The following RTTN variants were observed in gnomAD, a reference collection of about 807,000 sequenced individuals.
RTTN encodes the protein rotatin.
In RTTN, 182 loss-of-function variants were observed where a neutral mutation model predicts 269.2. That is an observed-to-expected ratio of 0.68 (90% CI 0.60 to 0.76). The LOEUF is 0.76. RTTN is among the 30% of genes least tolerant of loss of function. The pLI is 0.00. For missense variants in RTTN, 2,545 were observed against 2,608.6 expected, an observed-to-expected ratio of 0.98 and a Z score of 0.53; for synonymous variants, 1,006 against 963.5, an observed-to-expected ratio of 1.04 and a Z score of -0.82.
rs1474127075 is a variant in RTTN at position 70,145,637 on chromosome 18, T to C, written c.2456A>G (p.Asp819Gly). ...IGKKPIELRL[D>G]DRRELVIKLE... ...CTTAATAACCAGCTCTCTTCTGTCA[T>C]CCAGTCTGAGTTCAATAGGTTTCTT... is the stretch of plus-strand genomic sequence containing the variant. Residue 819 changes from aspartate (D) to glycine (G), a missense_variant, in exon 18 of 49, where the codon GAT (aspartate) becomes GGT (glycine). Transcript: ENST00000640769. The C allele has an allele frequency of 6.2e-7, 1 of 1,608,666 alleles. No individual in the cohort carries two copies. Among genetic ancestry groups the C allele is most frequent in the Non-Finnish European group, 8.5e-7 (1 of 1,178,258 alleles).
chr18:70,205,568 T>C lies in RTTN; in HGVS notation c.31+60A>G. ...CGGCCGCGGAAACGTGACACGACCATTCTCAGCAAGTGGCCAGAGCGCGGG... is the reference window on the plus strand; with the variant it reads ...CGGCCGCGGAAACGTGACACGACCACTCTCAGCAAGTGGCCAGAGCGCGGG... On this transcript the variant is annotated intron_variant, in intron 1 of 48. Transcript: ENST00000640769. 1.9e-6 allele frequency: 3 copies of C among 1,606,638 alleles called. No individual in the cohort carries two copies. The South Asian group carries it at 3.3e-5, about 18-fold the overall frequency.
intron 23 of RTTN, among the ~76,000 whole-genome samples, chr18:70,132,377 A>T (rs2060019953): frequency 6.6e-6 from 1 of 152,088 alleles, no homozygotes; most frequent in Admixed American, 6.6e-5. Flanking sequence ...GGAACATTTT[A>T]AAAAGCTGAC....
intron 40 of RTTN, among the ~76,000 whole-genome samples, chr18:70,031,799 G>A (rs979756824): frequency 6.6e-6 from 1 of 151,724 alleles, no homozygotes; most frequent in South Asian, 2.1e-4. Context: ...GGAGGGCATC[G>A]AGAGCAGATG....
intron 23 of RTTN, 26 bp from the exon 24 acceptor site, chr18:70,128,572 A>G: frequency 6.3e-7 from 1 of 1,593,334 alleles, no homozygotes; most frequent in Non-Finnish European, 8.6e-7. Context: ...ACAAATAATT[A>G]CAAACTTTCA....
Position 70,205,464 on chromosome 18 carries a change from T to A in RTTN, c.32-149A>T, listed in dbSNP as rs144636005. The A allele has an allele frequency of 8.4e-3, 11,492 of 1,368,270 alleles. 73 individuals are homozygous for A. The highest frequency in any genetic ancestry group is 0.022 in the Middle Eastern group (119 of 5,294). The allele number at this position is 1,368,270 out of a possible 1,614,324, so 84.8% of individuals were successfully genotyped here. A position where few individuals can be genotyped will look rare whatever the true frequency, so the allele number is the denominator to read the frequency against. Reference sequence around the variant, plus strand: ...TGCCTTCGGGACGCGAACCGCGAAGTTTACACAAAGTCCGAGATGGGTCCC... The same window carrying A: ...TGCCTTCGGGACGCGAACCGCGAAGATTACACAAAGTCCGAGATGGGTCCC... On this transcript the variant is annotated intron_variant, in intron 1 of 48. Transcript: ENST00000640769.
chr18:70,140,890 T>A (rs1356198288), intron 19 of RTTN, among the ~76,000 whole-genome samples: 1 of 152,132 alleles, frequency 6.6e-6, no homozygotes, highest in Non-Finnish European at 1.5e-5. Flanking sequence ...GCAGACAAAT[T>A]TTCTCCTATA....
chr18:70,168,121 A>AAAG (rs1184156740), intron 12 of RTTN, among the ~76,000 whole-genome samples: 2 of 151,918 alleles, frequency 1.3e-5, no homozygotes, highest in Non-Finnish European at 2.9e-5. Context: ...GTCAAAAAAA[A>AAAG]AAAAAATTCA....
At chr18:70,010,617 T>C (rs1441415753) in intron 46 of RTTN, among the ~76,000 whole-genome samples, 6 of 152,080 alleles carry the variant, frequency 3.9e-5, no homozygotes, top group Non-Finnish European at 1.5e-5. Flanking sequence ...TAGCACAAAA[T>C]GCTCACAGGT....
intron 25 of RTTN, among the ~76,000 whole-genome samples, chr18:70,124,590 T>G (rs2059817722): frequency 6.6e-6 from 1 of 152,030 alleles, no homozygotes; most frequent in East Asian, 1.9e-4. Context: ...AGCAGTTTCA[T>G]AAAACCCCAA....
intron 40 of RTTN, among the ~76,000 whole-genome samples, chr18:70,045,922 C>T (rs2057477398): frequency 6.6e-6 from 1 of 152,160 alleles, no homozygotes; most frequent in Admixed American, 6.5e-5. Flanking sequence ...TATTCTGTGA[C>T]TGTAGGCTAT....
At chr18:70,153,801 T>C (rs1057445653) in intron 14 of RTTN, among the ~76,000 whole-genome samples, 3 of 152,130 alleles carry the variant, frequency 2.0e-5, no homozygotes, top group African/African-American at 7.2e-5. Context: ...CTACAAGAAA[T>C]CTCATCATTT....
At chr18:70,017,808 A>G in intron 45 of RTTN, 134 bp from the exon 46 acceptor site, 3 of 693,952 alleles carry the variant, frequency 4.3e-6, no homozygotes, top group Non-Finnish European at 4.7e-6. Flanking sequence ...TAGCTTCTGA[A>G]TATTCCATCT....
At chr18:70,048,407 G>A (rs938558702) in intron 39 of RTTN, among the ~76,000 whole-genome samples, 1 of 152,190 alleles carries the variant, frequency 6.6e-6, no homozygotes, top group African/African-American at 2.4e-5. Context: ...TTTCATAGCA[G>A]TTCAGACAGC....
chr18:70,063,499 G>A (rs775085855), intron 35 of RTTN, among the ~76,000 whole-genome samples: 46 of 152,084 alleles, frequency 3.0e-4, no homozygotes, highest in African/African-American at 6.3e-4. Flanking sequence ...CCAGGTGTTC[G>A]AGACTACAAT....
rs767202207 is a variant in RTTN, at chr18:70,020,862, T to C, written c.5951-45A>G. The C allele has an allele frequency of 3.9e-6, 6 of 1,538,224 alleles. No individual in the cohort carries two copies. The South Asian group carries it at 5.9e-5, about 15-fold the overall frequency. ...TCACAATGTCTTCTCAGTTTCCCTG[T>C]TTAGTTTTTGAAGACACTAAGTGGC... On this transcript the variant is annotated intron_variant, in intron 44 of 48. Transcript: ENST00000640769.
chr18:70,166,906 A>G lies in RTTN; in HGVS notation c.1802+13T>C, dbSNP rs760720921. ...CAATAATAACGTAATCACATTAAGA[A>G]AGAAAATATTACATCTTTGAACAAA... On this transcript the variant is annotated intron_variant, in intron 13 of 48. Coordinates refer to ENST00000640769, the MANE Select transcript of RTTN (RefSeq NM_173630.4). The G allele has an allele frequency of 7.7e-6, 12 of 1,567,332 alleles. No individual in the cohort carries two copies. The highest frequency in any genetic ancestry group is 1.1e-5 in the Non-Finnish European group (12 of 1,139,504).
rs375083660 is a variant in RTTN at position 70,204,258 on chromosome 18, G to T, written c.225C>A (p.Pro75=). The T allele has an allele frequency of 1.6e-5, 26 of 1,603,288 alleles. No individual in the cohort carries two copies. The highest frequency in any genetic ancestry group is 2.1e-5 in the Non-Finnish European group (25 of 1,176,616). Residue 75 remains proline, a synonymous_variant, in exon 3 of 49, where the codon CCC becomes CCA. Coordinates refer to ENST00000640769, the MANE Select transcript of RTTN (RefSeq NM_173630.4). ...LNLLSRLVKY[P]PAVQHLVDVG... is the part of the protein sequence containing the mutation. The stretch of plus-strand genomic sequence containing the variant: ...CGTCAACCAAATGTTGGACTGCTGG[G>T]GGATACTAAAATAAGAAGAGGATGA...
chr18:70,073,938 C>G lies in RTTN; in HGVS notation c.4621G>C (p.Asp1541His), dbSNP rs373985399. The stretch of plus-strand genomic sequence containing the variant: ...TCTGAGGTGGAGAGAGAACTTGGAT[C>G]TCGATCCTGACTTGTCCTAGATGGA... ...RAPSRTSQDR[D>H]PSSLSTSETT... Residue 1541 changes from aspartate (D) to histidine (H), a missense_variant, in exon 34 of 49, where the codon GAT becomes CAT. Coordinates refer to ENST00000640769, the MANE Select transcript of RTTN (RefSeq NM_173630.4). 6.2e-7 allele frequency: 1 copy of G among 1,611,766 alleles called. No homozygotes were observed. Among genetic ancestry groups the G allele is most frequent in the Non-Finnish European group, 8.5e-7 (1 of 1,178,432 alleles).
intron 14 of RTTN, among the ~76,000 whole-genome samples, chr18:70,159,377 T>C (rs1233017989): frequency 6.6e-6 from 1 of 152,166 alleles, no homozygotes; most frequent in East Asian, 1.9e-4. Context: ...AATCATAAAA[T>C]TCTTTGAAAC....
Sources: gnomAD v4.1 joint callset for allele counts (sites outside exome capture counted in the v4.1 genomes callset) on GRCh38, gnomAD v4.1.1 for gene constraint, MANE v1.5 for transcripts, NCBI Gene and HGNC (gene_info 2026-07-23, HGNC 2026-07-21) for gene names.